The following TMCO6 variants were observed in gnomAD, a reference collection of about 807,000 sequenced individuals.
The protein encoded by TMCO6 is transmembrane and coiled-coil domain-containing protein 6.
TMCO6 carries 47 observed loss-of-function variants against 61.8 expected under a neutral mutation model. The ratio of observed to expected loss-of-function variants is 0.76; its 90% CI spans 0.60 to 0.97. The LOEUF (loss-of-function observed/expected upper bound fraction) is 0.97. TMCO6 is among the 50% of genes least tolerant of loss of function. The probability of loss-of-function intolerance (pLI) is 0.00; values close to 1 mark genes in which losing one functional copy is unlikely to be tolerated. For missense variants in TMCO6, 557 were observed against 601.6 expected (o/e 0.93, Z 0.78); for synonymous variants, 261 against 254.2 (o/e 1.03, Z -0.25).
chr5:140,618,798 T>G, the TMCO6 span, among the ~76,000 whole-genome samples: 1 of 152,132 alleles, frequency 6.6e-6, no homozygotes, highest in African/African-American at 2.4e-5. Context: ...AGACACAGAT[T>G]TTATACCCTT....
At position 140,643,690 on chromosome 5, in the gene TMCO6, C is replaced by A; in HGVS notation, c.918+15C>A. On this transcript the variant is annotated intron_variant, in intron 8 of 11. Coordinates refer to ENST00000394671, the MANE Select transcript of TMCO6 (RefSeq NM_018502.5). ...GACTGGAGCTGGTAGGTGAAGATGT[C>A]AGGTGAAATTCTGGGAGATGTTTCT... is the stretch of plus-strand genomic sequence containing the variant. The A allele has an allele frequency of 6.2e-7, 1 of 1,606,840 alleles. No individual in the cohort carries two copies. The highest frequency in any genetic ancestry group is 8.5e-7 in the Non-Finnish European group (1 of 1,175,490).
At chr5:140,632,978 C>T in the TMCO6 span, 1 of 1,614,044 alleles carries the variant, frequency 6.2e-7, no homozygotes, top group African/African-American at 1.3e-5. The surrounding 1 kb of genome is among the most constrained non-coding windows in gnomAD (Gnocchi z 6.2). Context: ...AGGACGCGCG[C>T]TCCTGGGGAG....
the TMCO6 span, chr5:140,633,516 C>T: frequency 4.1e-6 from 1 of 246,850 alleles, no homozygotes; most frequent in Non-Finnish European, 8.1e-6. Context: ...CTATCCAACC[C>T]CCCAATCCCC....
chr5:140,614,381 G>A, the TMCO6 span, among the ~76,000 whole-genome samples: 1 of 152,060 alleles, frequency 6.6e-6, no homozygotes, highest in East Asian at 2.0e-4. Context: ...GGTGGCACAT[G>A]CCTGTAATCC....
the TMCO6 span, among the ~76,000 whole-genome samples, chr5:140,618,276 A>G: frequency 6.6e-6 from 1 of 152,110 alleles, no homozygotes; most frequent in Admixed American, 6.5e-5. Flanking sequence ...TTAAAAATAC[A>G]AAATGAGCCA....
At chr5:140,637,108 T>C (rs1311696658), upstream of TMCO6, among the ~76,000 whole-genome samples, 1 of 151,984 alleles carries the variant, frequency 6.6e-6, no homozygotes, top group Admixed American at 6.6e-5. Flanking sequence ...AAGGGAAGGA[T>C]GCAGGCAGAG....
chr5:140,607,396 T>C, the TMCO6 span, among the ~76,000 whole-genome samples: 19 of 152,254 alleles, frequency 1.2e-4, no homozygotes, highest in Non-Finnish European at 2.1e-4. Context: ...GGCTAAATAA[T>C]ATTCCGTTGT....
At chr5:140,645,754 CTT>C (rs1411412816), downstream of TMCO6, 5 of 1,604,626 alleles carry the variant, frequency 3.1e-6, no homozygotes, top group Admixed American at 8.5e-5. Flanking sequence ...AGATCTTTGT[CTT>C]TATCTTAGTC....
Position 140,642,007 on chromosome 5 carries a change from C to G in TMCO6, c.452C>G (p.Thr151Ser), listed in dbSNP as rs1248401786. ...GTTGCTGAGGCCTGCCTGCCAGCCA[C>G]TTCTTACCTCCTCACCTACCTCTCC... ...STVAEACLPATSYLLTYLSSH... is the reference protein window; with the variant it reads ...STVAEACLPASSYLLTYLSSH... The change falls in exon 4 of 12, where the codon ACT (threonine) becomes AGT (serine). Residue 151 changes from threonine (T) to serine (S), a missense_variant. Thr to Ser is a moderately conservative substitution (Grantham distance 58, BLOSUM62 1). Coordinates refer to ENST00000394671, the MANE Select transcript of TMCO6 (RefSeq NM_018502.5). 1.2e-6 allele frequency: 2 copies of G among 1,613,040 alleles called. No homozygotes were observed. The highest frequency in any genetic ancestry group is 1.7e-6 in the Non-Finnish European group (2 of 1,179,034).
intron 4 of TMCO6, 73 bp from the exon 5 acceptor site, chr5:140,642,242 C>T (rs71583607): frequency 6.9e-7 from 1 of 1,452,060 alleles, no homozygotes; most frequent in Non-Finnish European, 9.4e-7. Flanking sequence ...CCCATCACCT[C>T]CCCTCCCCAT....
chr5:140,624,297 G>A, the TMCO6 span, among the ~76,000 whole-genome samples: 16 of 151,554 alleles, frequency 1.1e-4, no homozygotes, highest in South Asian at 4.2e-4. Flanking sequence ...CCTGGGAGGC[G>A]GAGGTTGCAG....
chr5:140,596,735 T>C, the TMCO6 span, among the ~76,000 whole-genome samples: 4 of 152,134 alleles, frequency 2.6e-5, no homozygotes, highest in Admixed American at 1.3e-4. Context: ...ACCCCTGGGG[T>C]ATAAAGCCCA....
At chr5:140,604,780 CT>C in the TMCO6 span, among the ~76,000 whole-genome samples, 7,914 of 124,638 alleles carry the variant, frequency 0.063, 414 homozygotes, top group African/African-American at 0.17. Flanking sequence ...TGTCATTTCT[CT>C]TTTTTTTTTT....
the TMCO6 span, among the ~76,000 whole-genome samples, chr5:140,634,142 C>T: frequency 1.5e-4 from 23 of 152,124 alleles, no homozygotes; most frequent in African/African-American, 5.3e-4. Flanking sequence ...GGCCAAGTCT[C>T]TGGGTCACTT....
At chr5:140,635,994 G>A (rs1756761732), upstream of TMCO6, among the ~76,000 whole-genome samples, 1 of 152,070 alleles carries the variant, frequency 6.6e-6, no homozygotes, top group Non-Finnish European at 1.5e-5. Context: ...GGGTTTTGTT[G>A]TTGTTGTTAT....
At chr5:140,619,003 T>C in the TMCO6 span, among the ~76,000 whole-genome samples, 1 of 152,122 alleles carries the variant, frequency 6.6e-6, no homozygotes, top group Admixed American at 6.5e-5. Flanking sequence ...GTCTCCTCTA[T>C]GAAAGACATT....
chr5:140,644,907 G>A lies in TMCO6; in HGVS notation c.1369-78G>A, dbSNP rs1017334519. On this transcript the variant is annotated intron_variant, in intron 11 of 11. Transcript: ENST00000394671. Reference sequence around the variant, plus strand: ...GTTGGGGAATGCACCCTCTGGAGTAGGCTGACCCATGAGGCTGTGGGAATT... The same window carrying A: ...GTTGGGGAATGCACCCTCTGGAGTAAGCTGACCCATGAGGCTGTGGGAATT... 16 of 1,537,534 alleles carry A rather than the reference G, an allele frequency of 1.0e-5. No homozygotes were observed. In the East Asian group the frequency reaches 3.2e-4, roughly 30 times the overall value.
At chr5:140,643,161 T>C in intron 7 of TMCO6, 120 bp downstream of exon 7, 1 of 1,424,946 alleles carries the variant, frequency 7.0e-7, no homozygotes, top group East Asian at 2.4e-5. Flanking sequence ...CACTGTCTTC[T>C]CTTTTTGGAG....
chr5:140,624,685 G>A, the TMCO6 span, among the ~76,000 whole-genome samples: 24 of 151,698 alleles, frequency 1.6e-4, no homozygotes, highest in Non-Finnish European at 3.4e-4. Flanking sequence ...GAGTAGCTGG[G>A]GCTAATTTTT....
Sources: gnomAD v4.1 joint callset for allele counts (sites outside exome capture counted in the v4.1 genomes callset) on GRCh38, gnomAD v4.1.1 for gene constraint, Gnocchi (gnomAD v3.1) non-coding constraint, MANE v1.5 for transcripts, NCBI Gene and HGNC (gene_info 2026-07-23, HGNC 2026-07-21) for gene names.